PIK3AP1: variants seen among roughly 807,000 people sequenced by gnomAD.
The protein encoded by PIK3AP1 is phosphoinositide 3-kinase adapter protein 1.
Under a neutral mutation model 88.1 loss-of-function variants are expected in PIK3AP1, and 21 were observed. That is an observed-to-expected ratio of 0.24 (90% CI 0.17 to 0.34). PIK3AP1 has a LOEUF of 0.34. Ranked by LOEUF, PIK3AP1 falls within the 10% of genes least tolerant of loss-of-function variation. The probability of loss-of-function intolerance (pLI) is 1.00; values close to 1 mark genes in which losing one functional copy is unlikely to be tolerated. For synonymous variants in PIK3AP1, 398 were observed against 400.0 expected, an observed-to-expected ratio of 1.00 and a Z score of 0.06; for missense variants, 828 against 1,035.7, an observed-to-expected ratio of 0.80 and a Z score of 2.75.
intron 2 of PIK3AP1, among the ~76,000 whole-genome samples, chr10:96,681,066 G>A (rs1843992793): frequency 6.6e-6 from 1 of 152,150 alleles, no homozygotes; most frequent in South Asian, 2.1e-4. Flanking sequence ...CACAATTCTA[G>A]AGGCCACAAG....
intron 3 of PIK3AP1, among the ~76,000 whole-genome samples, chr10:96,656,107 G>A (rs1843611409): frequency 1.3e-5 from 2 of 152,168 alleles, no homozygotes; most frequent in Admixed American, 6.5e-5. Context: ...TCTTAGCAAA[G>A]AGCTTGTATC....
At chr10:96,609,980 G>T in intron 13 of PIK3AP1, 113 bp from the exon 14 acceptor site, 2 of 1,335,808 alleles carry the variant, frequency 1.5e-6, no homozygotes, top group Non-Finnish European at 2.1e-6. Flanking sequence ...ATGGGAAGGG[G>T]AAGGGGAAGG....
At chr10:96,697,358 A>G (rs1324089169) in intron 2 of PIK3AP1, among the ~76,000 whole-genome samples, 2 of 152,168 alleles carry the variant, frequency 1.3e-5, no homozygotes, top group East Asian at 3.9e-4. Context: ...AGTGTACCCT[A>G]CTTGGATTAT....
At chr10:96,605,387 T>C (rs931821554) in intron 14 of PIK3AP1, among the ~76,000 whole-genome samples, 1 of 152,174 alleles carries the variant, frequency 6.6e-6, no homozygotes, top group African/African-American at 2.4e-5. Context: ...AACTTAAAAA[T>C]GTAAATAACC....
At chr10:96,717,609 C>A (rs968681751) in intron 1 of PIK3AP1, among the ~76,000 whole-genome samples, 2 of 152,084 alleles carry the variant, frequency 1.3e-5, no homozygotes, top group African/African-American at 4.8e-5. Context: ...TCCTGTAAGT[C>A]CAGGAATAGT....
chr10:96,612,710 A>G (rs1849134390), intron 13 of PIK3AP1, among the ~76,000 whole-genome samples: 1 of 151,858 alleles, frequency 6.6e-6, no homozygotes, highest in African/African-American at 2.4e-5. Context: ...GCAGGCCTCC[A>G]TCAAAGGCTG....
rs1291249415 is a variant in PIK3AP1 at position 96,648,682 on chromosome 10, G to T, written c.1162C>A (p.Arg388=). The T allele has an allele frequency of 1.2e-6, 2 of 1,608,478 alleles. No individual in the cohort carries two copies. The highest frequency in any genetic ancestry group is 1.3e-5 in the African/African-American group (1 of 74,668). The change falls in exon 7 of 17, where the codon CGG becomes AGG. Residue 388 remains arginine, a synonymous_variant. Transcript: ENST00000339364. ...ACCACATACTCGTCGATGAACTGCCGCAGGTCCCTGAAGCCGTGTTTCTCA... is the reference window on the plus strand; with the variant it reads ...ACCACATACTCGTCGATGAACTGCCTCAGGTCCCTGAAGCCGTGTTTCTCA... ...IAEKHGFRDL[R]QFIDEYVETV...
intron 2 of PIK3AP1, among the ~76,000 whole-genome samples, chr10:96,700,106 T>A (rs1001040486): frequency 7.9e-5 from 12 of 152,062 alleles, no homozygotes; most frequent in African/African-American, 2.9e-4. Flanking sequence ...CGAGCGGAAA[T>A]TTCAGCATTC....
intron 7 of PIK3AP1, 67 bp from the exon 8 acceptor site, chr10:96,645,729 C>G: frequency 7.1e-7 from 1 of 1,403,142 alleles, no homozygotes; most frequent in Non-Finnish European, 9.7e-7. Flanking sequence ...ACTTGGCCCC[C>G]GAAGGCACTT....
At chr10:96,635,340 C>T (rs1843298435) in intron 8 of PIK3AP1, among the ~76,000 whole-genome samples, 1 of 152,106 alleles carries the variant, frequency 6.6e-6, no homozygotes, top group African/African-American at 2.4e-5. Flanking sequence ...AACTGGGTAG[C>T]CTTGTTCTGA....
At chr10:96,662,183 A>G (rs189797185) in intron 2 of PIK3AP1, among the ~76,000 whole-genome samples, 2 of 152,382 alleles carry the variant, frequency 1.3e-5, no homozygotes, top group Admixed American at 1.3e-4. Flanking sequence ...ATGTCCATCA[A>G]CTGATGAATG....
At chr10:96,687,028 G>A (rs1034519479) in intron 2 of PIK3AP1, among the ~76,000 whole-genome samples, 4 of 151,598 alleles carry the variant, frequency 2.6e-5, no homozygotes, top group Admixed American at 6.6e-5. Context: ...AGACCGAGGC[G>A]GGTGGATCAC....
At chr10:96,716,915 G>T (rs1418536639) in intron 1 of PIK3AP1, among the ~76,000 whole-genome samples, 2 of 152,136 alleles carry the variant, frequency 1.3e-5, no homozygotes, top group Non-Finnish European at 2.9e-5. Context: ...GCAGCAGGGA[G>T]TCCATGGGGT....
intron 2 of PIK3AP1, among the ~76,000 whole-genome samples, chr10:96,679,401 G>T (rs1208829224): frequency 6.6e-6 from 1 of 152,006 alleles, no homozygotes. Context: ...GGTGGTGGGT[G>T]CTTATAGTCC....
At chr10:96,718,236 C>T (rs1409626562) in intron 1 of PIK3AP1, among the ~76,000 whole-genome samples, 1 of 152,204 alleles carries the variant, frequency 6.6e-6, no homozygotes, top group Admixed American at 6.5e-5. Context: ...GATGGCTACA[C>T]ATATCTGTAA....
chr10:96,713,360 C>T (rs903918133), intron 1 of PIK3AP1, among the ~76,000 whole-genome samples: 9 of 151,610 alleles, frequency 5.9e-5, no homozygotes, highest in Non-Finnish European at 1.0e-4. Context: ...AAAAATTAGC[C>T]GGGTGTTGTG....
At chr10:96,679,863 C>T (rs754120243) in intron 2 of PIK3AP1, among the ~76,000 whole-genome samples, 24 of 152,156 alleles carry the variant, frequency 1.6e-4, no homozygotes, top group African/African-American at 4.6e-4. Flanking sequence ...AATATTCCCA[C>T]GAGCATGGAA....
intron 1 of PIK3AP1, among the ~76,000 whole-genome samples, chr10:96,713,501 C>CT (rs1208826476): frequency 1.0e-5 from 1 of 97,244 alleles, no homozygotes; most frequent in East Asian, 3.2e-4. Flanking sequence ...GAGACTCCGT[C>CT]TTAAAAAAAA....
Position 96,652,942 on chromosome 10 carries a change from G to C in PIK3AP1, c.568-100C>G, listed in dbSNP as rs1381728116. The C allele has an allele frequency of 2.9e-6, 4 of 1,362,428 alleles. No homozygotes were observed. In the East Asian group the frequency reaches 9.2e-5, roughly 31 times the overall value. The allele number at this position is 1,362,428 out of a possible 1,614,324, so 84.4% of individuals were successfully genotyped here. Reference sequence around the variant, plus strand: ...AGCTCTCTTGCCCTAGCTCTACCTAGTGAGAATCTCTGGGGACAGGGTGGA... The same window carrying C: ...AGCTCTCTTGCCCTAGCTCTACCTACTGAGAATCTCTGGGGACAGGGTGGA... On this transcript the variant is annotated intron_variant, in intron 3 of 16. Coordinates refer to ENST00000339364, the MANE Select transcript of PIK3AP1 (RefSeq NM_152309.3).
Sources: gnomAD v4.1 joint callset for allele counts (sites outside exome capture counted in the v4.1 genomes callset) on GRCh38, gnomAD v4.1.1 for gene constraint, MANE v1.5 for transcripts, NCBI Gene and HGNC (gene_info 2026-07-23, HGNC 2026-07-21) for gene names.